Variants in ASAH2 observed in about 807,000 individuals in gnomAD.
ASAH2 encodes neutral ceramidase.
ASAH2 carries 58 observed loss-of-function variants against 82.9 expected under a neutral mutation model. The observed-to-expected ratio is 0.70, with a 90% CI of 0.57 to 0.87. ASAH2 has a LOEUF of 0.87. Among genes scored for constraint, ASAH2 ranks in the 40% least tolerant of loss-of-function variants. The probability of loss-of-function intolerance (pLI) is 0.00; values close to 1 mark genes in which losing one functional copy is unlikely to be tolerated. For synonymous variants in ASAH2, 276 were observed against 289.7 expected (o/e 0.95, Z 0.48); for missense variants, 779 against 834.0 (o/e 0.93, Z 0.81).
chr10:50,220,383 G>A (rs1466434038), intron 7 of ASAH2, among the ~76,000 whole-genome samples: 21 of 152,206 alleles, frequency 1.4e-4, no homozygotes, highest in East Asian at 1.9e-4. Context: ...CTAAATGCCC[G>A]TCAGTGATAG....
chr10:50,251,116 A>G (rs1846602075), intron 1 of ASAH2, among the ~76,000 whole-genome samples: 1 of 152,208 alleles, frequency 6.6e-6, no homozygotes. Flanking sequence ...TATATCTTAA[A>G]GGATTCTAGA....
chr10:50,213,233 G>C (rs796551928), intron 9 of ASAH2, among the ~76,000 whole-genome samples, 175 bp from the exon 10 acceptor site: 142,584 of 152,256 alleles, frequency 0.94, 67,486 homozygotes, highest in East Asian at 1. Flanking sequence ...GGAATTAGAA[G>C]AGTGAATGTC....
chr10:50,235,966 G>C lies in ASAH2; in HGVS notation c.609C>G (p.Phe203Leu). The change falls in exon 5 of 21, where the codon TTC (phenylalanine) becomes TTG (leucine). Residue 203 changes from phenylalanine (F) to leucine (L), a missense_variant. Phe to Leu is a conservative substitution (Grantham distance 22). Around this residue, in one of 3 missense-constraint regions of ASAH2, gnomAD observed 759 missense variants for 755.2 expected, o/e 1.00. Coordinates refer to ENST00000682911, the MANE Select transcript of ASAH2 (RefSeq NM_019893.4). The stretch of plus-strand genomic sequence containing the variant: ...TGGCAATTACAAACACGGTATACTG[G>C]AAATATCCTGCAGGACCTGAATGAG... Reference protein sequence around the residue: ...THTHSGPAGYFQYTVFVIASE... With the variant: ...THTHSGPAGYLQYTVFVIASE... The C allele has an allele frequency of 6.2e-7, 1 of 1,613,380 alleles. No individual in the cohort carries two copies. Among genetic ancestry groups the C allele is most frequent in the East Asian group, 2.2e-5 (1 of 44,868 alleles).
chr10:50,204,728 T>A, intron 14 of ASAH2, 133 bp downstream of exon 14: 1 of 708,048 alleles, frequency 1.4e-6, no homozygotes, highest in Non-Finnish European at 2.4e-6. Context: ...GTAGGAATAT[T>A]TGCCACTGTC....
chr10:50,208,268 A>G (rs1845357426), intron 12 of ASAH2, among the ~76,000 whole-genome samples: 1 of 152,036 alleles, frequency 6.6e-6, no homozygotes, highest in African/African-American at 2.4e-5. Flanking sequence ...CACTCTTTTT[A>G]CTTTTATTCA....
intron 18 of ASAH2, among the ~76,000 whole-genome samples, chr10:50,195,145 C>T (rs1421730241): frequency 6.7e-6 from 1 of 150,120 alleles, no homozygotes; most frequent in African/African-American, 2.4e-5. Flanking sequence ...ACTATGCATC[C>T]AATAAAGAGT....
At chr10:50,236,175 G>T in intron 4 of ASAH2, 111 bp from the exon 5 acceptor site, 2 of 945,996 alleles carry the variant, frequency 2.1e-6, no homozygotes, top group Non-Finnish European at 3.4e-6. Context: ...ATCTGTATTA[G>T]TCCATTCTCA....
At chr10:50,242,206 G>GGTA (rs112739105) in intron 4 of ASAH2, among the ~76,000 whole-genome samples, 35,551 of 151,750 alleles carry the variant, frequency 0.23, 6,671 homozygotes, top group African/African-American at 0.51. Flanking sequence ...ACTGTTTTGT[G>GGTA]AGTGCAGAAG....
chr10:50,243,663 A>G (rs901781554), intron 3 of ASAH2, among the ~76,000 whole-genome samples: 2 of 152,182 alleles, frequency 1.3e-5, no homozygotes, highest in Admixed American at 6.5e-5. Context: ...AAATTCTGTT[A>G]CTAACACTAA....
intron 4 of ASAH2, among the ~76,000 whole-genome samples, chr10:50,239,992 T>A (rs1448020546): frequency 6.6e-6 from 1 of 151,902 alleles, no homozygotes; most frequent in African/African-American, 2.4e-5. Context: ...AGCATGCAAC[T>A]GATTTTTGTA....
At chr10:50,220,230 A>T (rs1274045460) in intron 7 of ASAH2, among the ~76,000 whole-genome samples, 1 of 152,210 alleles carries the variant, frequency 6.6e-6, no homozygotes, top group Non-Finnish European at 1.5e-5. Flanking sequence ...TGGTTGTAAT[A>T]AATGATTGGG....
At chr10:50,218,687 G>A in intron 7 of ASAH2, 57 bp from the exon 8 acceptor site, 2 of 1,605,400 alleles carry the variant, frequency 1.2e-6, no homozygotes, top group Admixed American at 3.3e-5. Context: ...CTGGGGCCAA[G>A]AACTATGACT....
chr10:50,200,694 C>A (rs1352493711), intron 16 of ASAH2, among the ~76,000 whole-genome samples: 1 of 152,044 alleles, frequency 6.6e-6, no homozygotes, highest in South Asian at 2.1e-4. Context: ...GGGACAGATT[C>A]TTTTCATCAT....
chr10:50,204,931 G>T lies in ASAH2; in HGVS notation c.1555C>A (p.Pro519Thr). 6.2e-7 allele frequency: 1 copy of T among 1,610,916 alleles called. No individual in the cohort carries two copies. The highest frequency in any genetic ancestry group is 8.5e-7 in the Non-Finnish European group (1 of 1,178,522). Residue 519 changes from proline (P) to threonine (T), a missense_variant, in exon 14 of 21, where the codon CCA becomes ACA. This residue lies in a region of ASAH2 where 759 missense variants were observed against 755.2 expected (regional missense o/e 1.00). Transcript: ENST00000682911. ...ATAATCTGAACATCAACAATGTCTGGATGCCAGGGGTGAGGTTTTGATAGC... is the reference window on the plus strand; with the variant it reads ...ATAATCTGAACATCAACAATGTCTGTATGCCAGGGGTGAGGTTTTGATAGC... ...GELSKPHPWHPDIVDVQIITL... is the reference protein window; with the variant it reads ...GELSKPHPWHTDIVDVQIITL...
chr10:50,212,266 A>G (rs1845476245), intron 10 of ASAH2, among the ~76,000 whole-genome samples: 2 of 152,166 alleles, frequency 1.3e-5, no homozygotes, highest in Admixed American at 6.6e-5. Flanking sequence ...CATATCAAGG[A>G]CATCTCAGTT....
At chr10:50,237,637 CA>C (rs1846193744) in intron 4 of ASAH2, among the ~76,000 whole-genome samples, 3 of 152,182 alleles carry the variant, frequency 2.0e-5, no homozygotes, top group Admixed American at 2.0e-4. Flanking sequence ...GATCAATGAA[CA>C]TCCAAATGCA....
At chr10:50,230,279 T>A (rs1280961671) in intron 7 of ASAH2, among the ~76,000 whole-genome samples, 1 of 152,094 alleles carries the variant, frequency 6.6e-6, no homozygotes, top group East Asian at 1.9e-4. Flanking sequence ...AAGAAGATAG[T>A]CTTGGCTGTG....
intron 3 of ASAH2, among the ~76,000 whole-genome samples, chr10:50,243,939 G>C (rs1846375807): frequency 6.6e-6 from 1 of 152,174 alleles, no homozygotes; most frequent in African/African-American, 2.4e-5. Context: ...GGTGCAACAG[G>C]CTGGTAAATT....
intron 14 of ASAH2, 141 bp downstream of exon 14, chr10:50,204,720 A>G: frequency 1.5e-6 from 1 of 667,210 alleles, no homozygotes; most frequent in Admixed American, 2.6e-5. Context: ...AAAAGAGGGT[A>G]GGAATATTTG....
Sources: allele counts gnomAD v4.1 joint callset (sites outside exome capture counted in the v4.1 genomes callset), GRCh38; gene constraint gnomAD v4.1.1; regional missense constraint gnomAD v4.1.1; transcripts MANE v1.5; gene names NCBI Gene and HGNC (gene_info 2026-07-23, HGNC 2026-07-21).